The following PDC variants were observed in gnomAD, a reference collection of about 807,000 sequenced individuals.
PDC encodes 33 kDa phototransducing protein.
In PDC, 19 loss-of-function variants were observed where a neutral mutation model predicts 22.2. The observed-to-expected ratio is 0.86, with a 90% CI of 0.60 to 1.26. PDC has a LOEUF of 1.26. Among genes scored for constraint, PDC ranks in the 50% most tolerant of loss-of-function variants. PDC has a pLI of 0.00. For synonymous variants in PDC, 97 were observed against 96.2 expected, an observed-to-expected ratio of 1.01 and a Z score of -0.05; for missense variants, 274 against 286.8, an observed-to-expected ratio of 0.96 and a Z score of 0.32.
chr1:186,451,447 G>A (rs1445687028), intron 1 of PDC, among the ~76,000 whole-genome samples: 1 of 152,026 alleles, frequency 6.6e-6, no homozygotes, highest in Non-Finnish European at 1.5e-5. Context: ...TACTTCGAAA[G>A]AAAACTACAA....
At chr1:186,447,262 C>A (rs1662252713) in intron 2 of PDC, among the ~76,000 whole-genome samples, 3 of 152,054 alleles carry the variant, frequency 2.0e-5, no homozygotes, top group South Asian at 4.1e-4. Flanking sequence ...GATTCTCCTG[C>A]CTCAGTCTCC....
At chr1:186,445,621 T>C (rs2102127509) in intron 3 of PDC, among the ~76,000 whole-genome samples, 1 of 152,196 alleles carries the variant, frequency 6.6e-6, no homozygotes, top group South Asian at 2.1e-4. Flanking sequence ...GAGAACAGAC[T>C]GGGCAACATA....
intron 2 of PDC, among the ~76,000 whole-genome samples, chr1:186,447,782 A>G (rs903570919): frequency 1.3e-5 from 2 of 152,154 alleles, no homozygotes; most frequent in Middle Eastern, 3.4e-3. Flanking sequence ...TTTTGTTTTC[A>G]CATACAGTGT....
chr1:186,448,263 T>C lies in PDC; in HGVS notation c.61+1136A>G, dbSNP rs548047647. On this transcript the variant is annotated intron_variant, in intron 2 of 3. Coordinates refer to ENST00000391997, the MANE Select transcript of PDC (RefSeq NM_002597.5). ...TACCAATTTACACTGCTATCAGCAA[T>C]GTATGAGGGTGCCAAAAATGTGTTA... is the stretch of plus-strand genomic sequence containing the variant. Among the ~76,000 whole-genome samples the C allele has an allele frequency of 1.1e-4, 16 of 152,332 alleles. No individual in the cohort carries two copies. In the South Asian group the frequency reaches 2.9e-3, roughly 28 times the overall value.
Position 186,455,995 on chromosome 1 carries a change from ATATATAT to A in PDC, c.-25+5057_-25+5063del, listed in dbSNP as rs1335149505. ...TCAAAAAAAAAAAAAAAAAAAAAAA[ATATATAT>A]ATATATATATATATATATATATATG... On this transcript the variant is annotated intron_variant, in intron 1 of 3. Transcript: ENST00000391997. 9.1e-3 allele frequency among the ~76,000 whole-genome samples: 507 copies of A among 55,522 alleles called. 16 individuals carry two copies. The highest frequency in any genetic ancestry group is 0.042 in the Admixed American group (123 of 2,906). The allele number at this position is 55,522 out of a possible 152,430, so 36.4% of individuals were successfully genotyped here.
chr1:186,449,280 A>G (rs895130367), intron 2 of PDC, 119 bp downstream of exon 2: 2 of 465,960 alleles, frequency 4.3e-6, no homozygotes, highest in Admixed American at 7.8e-5. Flanking sequence ...TTAGATTAGC[A>G]TAACAATTTA....
chr1:186,457,422 GAATT>G (rs1662492684), intron 1 of PDC, among the ~76,000 whole-genome samples: 1 of 152,082 alleles, frequency 6.6e-6, no homozygotes, highest in African/African-American at 2.4e-5. Flanking sequence ...GAATTAATTG[GAATT>G]GGAAAATGGG....
chr1:186,451,651 G>C (rs1662355793), intron 1 of PDC: 1 of 152,180 alleles, frequency 6.6e-6, no homozygotes, highest in East Asian at 1.9e-4. Flanking sequence ...ACAGGGCACA[G>C]CTTCCTTCTT....
At chr1:186,450,360 T>A (rs1662326347) in intron 1 of PDC, among the ~76,000 whole-genome samples, 1 of 152,040 alleles carries the variant, frequency 6.6e-6, no homozygotes, top group African/African-American at 2.4e-5. Context: ...AGAGAGGGTC[T>A]AACTCTGTCT....
rs934868886 is a variant in PDC, at chr1:186,444,198, A to C, written c.522T>G (p.Asn174Lys). The part of the protein sequence containing the change: ...IVKFCKIKAS[N>K]TGAGDRFSLD... ...AGGAAAAGCGGTCCCCAGCACCTGT[A>C]TTCGAAGCTTTTATTTTACAAAACT... Residue 174 changes from asparagine (N) to lysine (K), a missense_variant, in exon 4 of 4, where the codon AAT (asparagine) becomes AAG (lysine). Asn to Lys is a moderately conservative substitution (Grantham distance 94, BLOSUM62 0). Coordinates refer to ENST00000391997, the MANE Select transcript of PDC (RefSeq NM_002597.5). 3 of 1,614,006 alleles carry C rather than the reference A, an allele frequency of 1.9e-6. No homozygotes were observed. Among genetic ancestry groups the C allele is most frequent in the Non-Finnish European group, 2.5e-6 (3 of 1,179,874 alleles).
At chr1:186,460,712 G>C (rs1236871324) in intron 1 of PDC, among the ~76,000 whole-genome samples, 1 of 152,142 alleles carries the variant, frequency 6.6e-6, no homozygotes, top group Non-Finnish European at 1.5e-5. Context: ...CAAACATAAA[G>C]TGCAAGGACT....
rs1163754460 is a variant in PDC at position 186,446,540 on chromosome 1, T to G, written c.99A>C (p.Lys33Asn). The part of the protein sequence containing the change: ...KGVINDWRKF[K>N]LESQDSDSIP... ...TTGAATCACTGTCTTGACTCTCTAA[T>G]TTAAACTTTCTCCAATCATTTATTA... Residue 33 changes from lysine to asparagine, a missense_variant, in exon 3 of 4, where the codon AAA (lysine) becomes AAC (asparagine). Lys to Asn is a moderately conservative substitution (Grantham distance 94). Coordinates refer to ENST00000391997, the MANE Select transcript of PDC (RefSeq NM_002597.5). 6.3e-7 allele frequency: 1 copy of G among 1,592,754 alleles called. No homozygotes were observed. Among genetic ancestry groups the G allele is most frequent in the Non-Finnish European group, 8.6e-7 (1 of 1,163,374 alleles).
chr1:186,446,990 G>A (rs1662245170), intron 2 of PDC, among the ~76,000 whole-genome samples: 2 of 152,296 alleles, frequency 1.3e-5, no homozygotes, highest in African/African-American at 4.8e-5. Context: ...AACTGGGAAT[G>A]TTGGGGAAAC....
intron 1 of PDC, among the ~76,000 whole-genome samples, chr1:186,452,771 G>C (rs1662378589): frequency 6.6e-6 from 1 of 152,124 alleles, no homozygotes; most frequent in Non-Finnish European, 1.5e-5. Context: ...ATTATTACAG[G>C]TCTTTGGGTA....
At chr1:186,448,984 G>A (rs1662292841) in intron 2 of PDC, among the ~76,000 whole-genome samples, 1 of 151,982 alleles carries the variant, frequency 6.6e-6, no homozygotes, top group South Asian at 2.1e-4. Flanking sequence ...AAAAAATAAA[G>A]GGAATATCTT....
chr1:186,450,806 T>C (rs2102132691), intron 1 of PDC, among the ~76,000 whole-genome samples: 1 of 152,324 alleles, frequency 6.6e-6, no homozygotes, highest in Admixed American at 6.5e-5. Context: ...GAAAACTCAA[T>C]TATTATACAT....
At chr1:186,452,716 G>T (rs765462955) in intron 1 of PDC, among the ~76,000 whole-genome samples, 2 of 152,116 alleles carry the variant, frequency 1.3e-5, no homozygotes, top group Non-Finnish European at 2.9e-5. Flanking sequence ...ATGGTTAAAA[G>T]ATTTCATGTC....
intron 1 of PDC, among the ~76,000 whole-genome samples, chr1:186,454,213 G>T (rs1558130168): frequency 1.6e-5 from 2 of 123,906 alleles, no homozygotes; most frequent in Non-Finnish European, 3.2e-5. Flanking sequence ...TTGCTCCGTA[G>T]CCCAGGCTGG....
intron 1 of PDC, among the ~76,000 whole-genome samples, chr1:186,450,634 G>C (rs1375257347): frequency 6.6e-6 from 1 of 152,080 alleles, no homozygotes; most frequent in Non-Finnish European, 1.5e-5. Flanking sequence ...CACCCTGCCG[G>C]TTTATAGTAT....
Sources: gnomAD v4.1 joint callset for allele counts (sites outside exome capture counted in the v4.1 genomes callset) on GRCh38, gnomAD v4.1.1 for gene constraint, MANE v1.5 for transcripts, NCBI Gene and HGNC (gene_info 2026-07-23, HGNC 2026-07-21) for gene names.